Variants in CENPW observed in about 807,000 individuals in gnomAD.
CENPW encodes cancer-up-regulated gene 2 protein.
In CENPW, 3 loss-of-function variants were observed where a neutral mutation model predicts 11.1. That is an observed-to-expected ratio of 0.27 (90% CI 0.12 to 0.70). CENPW has a LOEUF of 0.70. CENPW is among the 30% of genes least tolerant of loss of function. The pLI is 0.77. For synonymous variants in CENPW, 38 were observed against 42.0 expected (o/e 0.91, Z 0.37); for missense variants, 100 against 105.6 (o/e 0.95, Z 0.23).
chr6:126,426,642 A>G, the CENPW span, among the ~76,000 whole-genome samples: 1 of 152,168 alleles, frequency 6.6e-6, no homozygotes, highest in Non-Finnish European at 1.5e-5. Flanking sequence ...GGAAATCAAT[A>G]AATCATTCAG....
chr6:126,341,747 A>G (rs1055565132), intron 1 of CENPW, among the ~76,000 whole-genome samples: 1 of 152,228 alleles, frequency 6.6e-6, no homozygotes, highest in Non-Finnish European at 1.5e-5. Flanking sequence ...TGGGGCTTCT[A>G]AATGGAGGGA....
chr6:126,434,246 ACT>A, the CENPW span, among the ~76,000 whole-genome samples: 1 of 152,076 alleles, frequency 6.6e-6, no homozygotes, highest in African/African-American at 2.4e-5. Flanking sequence ...AACTTGCCAA[ACT>A]CAGCAGGCCA....
the CENPW span, among the ~76,000 whole-genome samples, chr6:126,385,071 A>G: frequency 1.6e-3 from 237 of 152,214 alleles, 2 homozygotes; most frequent in Non-Finnish European, 2.8e-3. Context: ...ACTGTCTCAT[A>G]CCAGTCAGAA....
the CENPW span, among the ~76,000 whole-genome samples, chr6:126,439,804 G>T: frequency 6.6e-6 from 1 of 151,432 alleles, no homozygotes; most frequent in Non-Finnish European, 1.5e-5. Context: ...CAAGATCATG[G>T]TATTCCCCTG....
the CENPW span, among the ~76,000 whole-genome samples, chr6:126,458,757 T>A: frequency 1.3e-5 from 2 of 151,370 alleles, no homozygotes; most frequent in Non-Finnish European, 3.0e-5. Flanking sequence ...AAACAATTAT[T>A]AAAGACAACT....
chr6:126,343,191 T>G (rs1780345996), intron 1 of CENPW, among the ~76,000 whole-genome samples: 1 of 152,232 alleles, frequency 6.6e-6, no homozygotes, highest in Non-Finnish European at 1.5e-5. Flanking sequence ...AAGTAACTTA[T>G]TGATGGAATA....
At chr6:126,401,688 G>A in the CENPW span, among the ~76,000 whole-genome samples, 162 of 152,018 alleles carry the variant, frequency 1.1e-3, no homozygotes, top group Non-Finnish European at 2.0e-3. Context: ...AGATGGATTT[G>A]GGGTTGGGCA....
chr6:126,368,377 G>A, the CENPW span, among the ~76,000 whole-genome samples: 2 of 152,162 alleles, frequency 1.3e-5, no homozygotes, highest in Non-Finnish European at 2.9e-5. Context: ...ATTAAGGGAA[G>A]GAGAAGCAGA....
chr6:126,427,304 C>T, the CENPW span, among the ~76,000 whole-genome samples: 3 of 152,074 alleles, frequency 2.0e-5, no homozygotes, highest in African/African-American at 7.2e-5. Flanking sequence ...GTTAAAATTA[C>T]ATGGTAGAAG....
At chr6:126,411,823 A>C in the CENPW span, among the ~76,000 whole-genome samples, 1 of 152,048 alleles carries the variant, frequency 6.6e-6, no homozygotes, top group African/African-American at 2.4e-5. Flanking sequence ...TAATTTTCTT[A>C]GGTTTTTGTT....
chr6:126,408,234 A>C, the CENPW span, among the ~76,000 whole-genome samples: 1 of 152,190 alleles, frequency 6.6e-6, no homozygotes, highest in Non-Finnish European at 1.5e-5. Flanking sequence ...GCCACTAAAG[A>C]AAACATACTC....
chr6:126,388,976 G>A, the CENPW span, among the ~76,000 whole-genome samples: 6 of 151,840 alleles, frequency 4.0e-5, no homozygotes, highest in Non-Finnish European at 8.8e-5. Flanking sequence ...CCATAGATTT[G>A]ATGATTATGG....
the CENPW span, among the ~76,000 whole-genome samples, chr6:126,476,783 A>G: frequency 6.6e-6 from 1 of 151,978 alleles, no homozygotes; most frequent in East Asian, 1.9e-4. Flanking sequence ...AGATGCTCTG[A>G]GAGGTTGATT....
At chr6:126,389,658 CTGTG>C in the CENPW span, among the ~76,000 whole-genome samples, 2 of 149,232 alleles carry the variant, frequency 1.3e-5, no homozygotes, top group African/African-American at 4.9e-5. Flanking sequence ...GACCTTTGCT[CTGTG>C]TGTGTGTGTG....
At chr6:126,429,390 G>C in the CENPW span, among the ~76,000 whole-genome samples, 1 of 152,114 alleles carries the variant, frequency 6.6e-6, no homozygotes, top group Non-Finnish European at 1.5e-5. Flanking sequence ...AGATGTTTGG[G>C]TCTTGGGGGT....
the CENPW span, among the ~76,000 whole-genome samples, chr6:126,453,085 A>AT: frequency 6.6e-6 from 1 of 151,142 alleles, no homozygotes; most frequent in Admixed American, 6.6e-5. Flanking sequence ...ACATTCTCAG[A>AT]TGAAGGGAAA....
the CENPW span, among the ~76,000 whole-genome samples, chr6:126,451,939 A>G: frequency 2.0e-5 from 3 of 150,808 alleles, no homozygotes; most frequent in Non-Finnish European, 4.5e-5. Context: ...ATCTGATCCT[A>G]ATAACTATAC....
At chr6:126,420,533 G>C in the CENPW span, among the ~76,000 whole-genome samples, 8 of 152,176 alleles carry the variant, frequency 5.3e-5, 1 homozygote. Flanking sequence ...TCTTGGCAAA[G>C]AAATGGCATG....
chr6:126,348,156 G>A (rs1013570042), intron 2 of CENPW, among the ~76,000 whole-genome samples: 7 of 151,882 alleles, frequency 4.6e-5, no homozygotes, highest in Admixed American at 2.6e-4. Flanking sequence ...TTTCAAATTC[G>A]AAACCATTAA....
Sources: allele counts gnomAD v4.1 joint callset (sites outside exome capture counted in the v4.1 genomes callset), GRCh38; gene constraint gnomAD v4.1.1; transcripts MANE v1.5; gene names NCBI Gene and HGNC (gene_info 2026-07-23, HGNC 2026-07-21).